The following RASAL2 variants were observed in gnomAD, a reference collection of about 807,000 sequenced individuals.
RASAL2 encodes the protein ras GTPase-activating protein nGAP.
In RASAL2, 58 loss-of-function variants were observed where a neutral mutation model predicts 128.9. That is an observed-to-expected ratio of 0.45 (90% CI 0.36 to 0.56). The LOEUF is 0.56. Ranked by LOEUF, RASAL2 falls within the 20% of genes least tolerant of loss-of-function variation. The probability of loss-of-function intolerance (pLI) is 0.00; values close to 1 mark genes in which losing one functional copy is unlikely to be tolerated. For synonymous variants in RASAL2, 561 were observed against 580.8 expected (o/e 0.97, Z 0.49); for missense variants, 1,360 against 1,601.6 (o/e 0.85, Z 2.57).
Position 178,120,723 on chromosome 1 carries a change from C to T in RASAL2, c.202+26029C>T, listed in dbSNP as rs371389070. On this transcript the variant is annotated intron_variant, in intron 1 of 17. Transcript: ENST00000367649. Reference sequence around the variant, plus strand: ...ATCTCTATTTGCAGCCACTCACCAGCGCTAGCATTACCACCTCAGCTCCAC... The same window carrying T: ...ATCTCTATTTGCAGCCACTCACCAGTGCTAGCATTACCACCTCAGCTCCAC... Among the ~76,000 whole-genome samples the T allele has an allele frequency of 2.5e-4, 38 of 152,318 alleles. No individual in the cohort carries two copies. The East Asian group carries it at 6.2e-3, about 25-fold the overall frequency.
At chr1:178,355,690 A>C (rs1272627074) in intron 3 of RASAL2, among the ~76,000 whole-genome samples, 2 of 152,254 alleles carry the variant, frequency 1.3e-5, no homozygotes, top group Non-Finnish European at 2.9e-5. Context: ...AAGTGCAAAA[A>C]GTCAAGCTAT....
chr1:178,207,290 T>A (rs1663085097), intron 1 of RASAL2, among the ~76,000 whole-genome samples: 2 of 152,326 alleles, frequency 1.3e-5, no homozygotes, highest in African/African-American at 4.8e-5. Flanking sequence ...AAATACAGTT[T>A]GTCCTCTGTA....
At chr1:178,465,830 A>C in intron 15 of RASAL2, 90 bp from the exon 16 acceptor site, 1 of 1,080,310 alleles carries the variant, frequency 9.3e-7, no homozygotes, top group Non-Finnish European at 1.3e-6. Flanking sequence ...AAAAGAAAAA[A>C]AGAAAGAAAG....
rs1349747545 is a variant in RASAL2 at position 178,452,404 on chromosome 1, T to C, written c.1773-12T>C. 2 of 1,611,312 alleles carry C rather than the reference T, an allele frequency of 1.2e-6. No homozygotes were observed. The highest frequency in any genetic ancestry group is 1.7e-6 in the Non-Finnish European group (2 of 1,177,490). ...TGTGTTTAGAGGTTTTGGTACTTCT[T>C]TCCTTCCCTAGTGTTTTCCCTCGTG... On this transcript the variant is annotated splice_polypyrimidine_tract_variant and intron_variant, in intron 10 of 17. Transcript: ENST00000367649.
intron 1 of RASAL2, among the ~76,000 whole-genome samples, chr1:178,163,891 A>G (rs1661423257): frequency 6.6e-6 from 1 of 152,198 alleles, no homozygotes; most frequent in Non-Finnish European, 1.5e-5. Context: ...CATTAAACCT[A>G]GTAATCCATG....
At chr1:178,333,453 C>T (rs1248476979) in intron 3 of RASAL2, among the ~76,000 whole-genome samples, 8 of 152,114 alleles carry the variant, frequency 5.3e-5, no homozygotes, top group Admixed American at 5.2e-4. Context: ...GACATTTTAA[C>T]CCATTTATGC....
At chr1:178,295,075 G>C (rs1184953386) in intron 2 of RASAL2, among the ~76,000 whole-genome samples, 1 of 152,064 alleles carries the variant, frequency 6.6e-6, no homozygotes, top group Non-Finnish European at 1.5e-5. Context: ...TGGAAATTGA[G>C]GTTTATTAAA....
chr1:178,373,481 CT>C (rs1443456607), intron 3 of RASAL2, among the ~76,000 whole-genome samples: 16 of 151,848 alleles, frequency 1.1e-4, no homozygotes, highest in African/African-American at 3.6e-4. Context: ...TTCCCCTCCC[CT>C]GACACATGCA....
chr1:178,273,272 T>C (rs955054210), intron 1 of RASAL2, among the ~76,000 whole-genome samples: 22 of 152,224 alleles, frequency 1.4e-4, no homozygotes, highest in African/African-American at 5.1e-4. Flanking sequence ...GCAAAAACCA[T>C]AAACTTGGCC....
At chr1:178,214,325 A>C (rs578076893) in intron 1 of RASAL2, among the ~76,000 whole-genome samples, 48 of 152,342 alleles carry the variant, frequency 3.2e-4, no homozygotes, top group Non-Finnish European at 5.1e-4. Flanking sequence ...AATTTCAGGA[A>C]GGTAAGAAGA....
rs75581843 is a variant in RASAL2, at chr1:178,099,341, C to T, written c.202+4647C>T. ...CCAATGATTTCCAAATACATTAAAA[C>T]ACATTAAGAATAGACAGTTTTTCAT... On this transcript the variant is annotated intron_variant, in intron 1 of 17. Coordinates refer to ENST00000367649, the MANE Select transcript of RASAL2 (RefSeq NM_170692.4). Among the ~76,000 whole-genome samples the T allele has an allele frequency of 7.8e-3, 1,194 of 152,278 alleles. 12 individuals are homozygous for T. The highest frequency in any genetic ancestry group is 0.037 in the Middle Eastern group (11 of 294).
intron 2 of RASAL2, among the ~76,000 whole-genome samples, chr1:178,297,865 AT>A (rs1210042377): frequency 1.3e-5 from 2 of 152,156 alleles, no homozygotes; most frequent in Non-Finnish European, 2.9e-5. Context: ...CAGAGACAAA[AT>A]ATGTCCTCAT....
rs78148555 is a variant in RASAL2 at position 178,199,291 on chromosome 1, C to T, written c.203-84273C>T. On this transcript the variant is annotated intron_variant, in intron 1 of 17. Coordinates refer to ENST00000367649, the MANE Select transcript of RASAL2 (RefSeq NM_170692.4). Reference sequence around the variant, plus strand: ...GGTGATGCCCCACCCTCCTTCAGCTCGCCCTCCGTGGGCTGTACCCACTTT... The same window carrying T: ...GGTGATGCCCCACCCTCCTTCAGCTTGCCCTCCGTGGGCTGTACCCACTTT... 5.6e-3 allele frequency among the ~76,000 whole-genome samples: 857 copies of T among 152,302 alleles called. 11 individuals are homozygous for T. Among genetic ancestry groups the T allele is most frequent in the African/African-American group, 0.019 (790 of 41,568 alleles).
intron 3 of RASAL2, among the ~76,000 whole-genome samples, chr1:178,381,558 T>C (rs186885598): frequency 9.2e-5 from 14 of 152,336 alleles, no homozygotes; most frequent in Admixed American, 7.2e-4. Context: ...TGATTAAATT[T>C]TCATCTTTAT....
At chr1:178,244,250 T>G (rs1356918258) in intron 1 of RASAL2, among the ~76,000 whole-genome samples, 1 of 152,136 alleles carries the variant, frequency 6.6e-6, no homozygotes. Context: ...TTTCATTTTT[T>G]TTTTCTTTTT....
At chr1:178,383,580 T>A (rs1161501054) in intron 3 of RASAL2, among the ~76,000 whole-genome samples, 1 of 152,330 alleles carries the variant, frequency 6.6e-6, no homozygotes, top group East Asian at 1.9e-4. Context: ...AACCTTATTT[T>A]CATGAAAGCC....
intron 3 of RASAL2, chr1:178,341,581 C>G (rs1392594955): frequency 6.2e-7 from 1 of 1,613,914 alleles, no homozygotes; most frequent in South Asian, 1.1e-5. Flanking sequence ...TTAGCACACC[C>G]AGAAACTTCA....
intron 4 of RASAL2, among the ~76,000 whole-genome samples, chr1:178,412,605 T>C (rs374416639): frequency 1.3e-5 from 2 of 152,236 alleles, no homozygotes; most frequent in East Asian, 1.9e-4. Flanking sequence ...AAATCAGCCA[T>C]GATTTCATGT....
chr1:178,336,593 A>G (rs1458885611), intron 3 of RASAL2, among the ~76,000 whole-genome samples: 2 of 151,936 alleles, frequency 1.3e-5, no homozygotes, highest in Non-Finnish European at 2.9e-5. Flanking sequence ...ATGTGTGTGT[A>G]TGTATATGTA....
Sources: gnomAD v4.1 joint callset for allele counts (sites outside exome capture counted in the v4.1 genomes callset) on GRCh38, gnomAD v4.1.1 for gene constraint, MANE v1.5 for transcripts, NCBI Gene and HGNC (gene_info 2026-07-23, HGNC 2026-07-21) for gene names.